Variants in ERC2 observed in about 807,000 individuals in gnomAD.
The protein encoded by ERC2 is ERC protein 2.
A neutral mutation model predicts 114.8 loss-of-function variants in ERC2; 42 were observed. That is an observed-to-expected ratio of 0.37 (90% confidence interval 0.29 to 0.47). ERC2 has a LOEUF of 0.47. Among genes scored for constraint, ERC2 ranks in the 20% least tolerant of loss-of-function variants. The pLI is 0.99. For synonymous variants in ERC2, 454 were observed against 425.5 expected (o/e 1.07, Z -0.82); for missense variants, 939 against 1,150.7 (o/e 0.82, Z 2.66).
intron 14 of ERC2, among the ~76,000 whole-genome samples, chr3:55,795,136 T>A (rs898251823): frequency 6.6e-6 from 1 of 152,174 alleles, no homozygotes. Context: ...TACATTAACG[T>A]TCTTTCAAAT....
chr3:55,837,688 G>T (rs1440881821), intron 14 of ERC2, among the ~76,000 whole-genome samples: 1 of 151,814 alleles, frequency 6.6e-6, no homozygotes, highest in Non-Finnish European at 1.5e-5. Flanking sequence ...CACCAGCATG[G>T]CACATGCATA....
intron 17 of ERC2, among the ~76,000 whole-genome samples, chr3:55,556,127 C>G (rs1051779401): frequency 6.6e-6 from 1 of 152,170 alleles, no homozygotes; most frequent in African/African-American, 2.4e-5. Context: ...AAGGACACAG[C>G]AGGGAAAAAG....
At chr3:55,916,295 T>C (rs903189458) in intron 13 of ERC2, among the ~76,000 whole-genome samples, 1 of 152,154 alleles carries the variant, frequency 6.6e-6, no homozygotes, top group Non-Finnish European at 1.5e-5. Context: ...TTGGAAAGAT[T>C]TACTCTTGGG....
intron 14 of ERC2, among the ~76,000 whole-genome samples, chr3:55,768,337 C>T (rs1181429350): frequency 6.6e-6 from 1 of 152,224 alleles, no homozygotes; most frequent in African/African-American, 2.4e-5. Context: ...AGTGCCTTCA[C>T]ATCCATCGCT....
At chr3:55,946,491 A>G (rs1367124602) in intron 13 of ERC2, among the ~76,000 whole-genome samples, 1 of 152,208 alleles carries the variant, frequency 6.6e-6, no homozygotes, top group African/African-American at 2.4e-5. Flanking sequence ...ACTGTCTTCT[A>G]TGACTAAAAG....
At chr3:55,710,887 G>A (rs2063743819) in intron 15 of ERC2, among the ~76,000 whole-genome samples, 2 of 152,294 alleles carry the variant, frequency 1.3e-5, no homozygotes, top group South Asian at 4.1e-4. Context: ...ACAGAGGGGA[G>A]ACTGAGGCTC....
At chr3:56,224,761 T>G (rs2050142302) in intron 3 of ERC2, among the ~76,000 whole-genome samples, 1 of 152,146 alleles carries the variant, frequency 6.6e-6, no homozygotes, top group Admixed American at 6.5e-5. Context: ...CATTATTCTC[T>G]TCTACATTCC....
chr3:55,984,275 T>A (rs6445761), intron 12 of ERC2, among the ~76,000 whole-genome samples: 142,910 of 151,850 alleles, frequency 0.94, 67,489 homozygotes, highest in East Asian at 1. Flanking sequence ...GTTCATGTTC[T>A]TTCACCATGA....
chr3:56,271,711 T>C (rs2053662642), intron 3 of ERC2, among the ~76,000 whole-genome samples: 1 of 152,128 alleles, frequency 6.6e-6, no homozygotes, highest in South Asian at 2.1e-4. Flanking sequence ...ATCACCCAGG[T>C]AATAAGCTTA....
intron 17 of ERC2, chr3:55,613,207 C>T (rs911965050): frequency 6.6e-6 from 1 of 152,212 alleles, no homozygotes; most frequent in Admixed American, 6.5e-5. Context: ...GCTACAGAGA[C>T]AGCCTGAATA....
At chr3:56,026,067 T>C (rs1213606140) in intron 7 of ERC2, among the ~76,000 whole-genome samples, 2 of 144,668 alleles carry the variant, frequency 1.4e-5, no homozygotes, top group Non-Finnish European at 3.0e-5. Flanking sequence ...CTTTTTTTTT[T>C]TTTTTTTTTT....
intron 14 of ERC2, among the ~76,000 whole-genome samples, chr3:55,820,706 CA>C (rs1221155696): frequency 1.3e-5 from 2 of 152,142 alleles, no homozygotes; most frequent in African/African-American, 4.8e-5. Flanking sequence ...GGCAGGGCAC[CA>C]GATAGGTCAC....
At chr3:55,975,786 A>G (rs1576423245) in intron 12 of ERC2, among the ~76,000 whole-genome samples, 1 of 152,258 alleles carries the variant, frequency 6.6e-6, no homozygotes, top group Non-Finnish European at 1.5e-5. Flanking sequence ...CGCAGAGTCT[A>G]AGCTACAGAC....
intron 2 of ERC2, among the ~76,000 whole-genome samples, chr3:56,356,961 A>C (rs1322251651): frequency 6.6e-6 from 1 of 152,186 alleles, no homozygotes; most frequent in East Asian, 1.9e-4. Context: ...CTGGAACACA[A>C]ACCCACAACT....
At chr3:55,873,320 C>A (rs1423478007) in intron 14 of ERC2, among the ~76,000 whole-genome samples, 2 of 152,128 alleles carry the variant, frequency 1.3e-5, no homozygotes, top group African/African-American at 4.8e-5. Flanking sequence ...AACCACAGGA[C>A]AATCCTGAGA....
chr3:55,829,857 CAGA>C (rs1454021114), intron 14 of ERC2, among the ~76,000 whole-genome samples: 17 of 151,894 alleles, frequency 1.1e-4, no homozygotes, highest in African/African-American at 4.1e-4. Context: ...ATTGGAATCA[CAGA>C]AGAAGAAAAA....
At chr3:55,756,950 G>A (rs933706803) in intron 14 of ERC2, among the ~76,000 whole-genome samples, 8 of 152,026 alleles carry the variant, frequency 5.3e-5, no homozygotes, top group African/African-American at 1.4e-4. Context: ...CCAAATCCAC[G>A]TTAAAATATG....
At chr3:55,735,009 T>C in intron 14 of ERC2, 91 bp from the exon 15 acceptor site, 1 of 1,314,990 alleles carries the variant, frequency 7.6e-7, no homozygotes, top group Non-Finnish European at 1.0e-6. Context: ...CCACAGAGTA[T>C]TGTCTCAATG....
At position 56,334,417 on chromosome 3, in the gene ERC2, C is replaced by T. The variant is rs148533822; in HGVS notation, c.658-37982G>A. The stretch of plus-strand genomic sequence containing the variant: ...ATCCCTGATGACCTGATTCCTGCAA[C>T]TTAGCCTCATTTCTGTCCTTCCCAG... On this transcript the variant is annotated intron_variant, in intron 2 of 17. Transcript: ENST00000288221. 3.9e-5 allele frequency among the ~76,000 whole-genome samples: 6 copies of T among 152,312 alleles called. No homozygotes were observed. The East Asian group carries it at 1.2e-3, about 29-fold the overall frequency.
Sources: gnomAD v4.1 joint callset for allele counts (sites outside exome capture counted in the v4.1 genomes callset) on GRCh38, gnomAD v4.1.1 for gene constraint, MANE v1.5 for transcripts, NCBI Gene and HGNC (gene_info 2026-07-23, HGNC 2026-07-21) for gene names.